Variants in LIPA observed in about 807,000 individuals in gnomAD.
The protein encoded by LIPA is lipase A, lysosomal acid type.
Under a neutral mutation model 40.6 loss-of-function variants are expected in LIPA, and 26 were observed. The ratio of observed to expected loss-of-function variants is 0.64; its 90% CI spans 0.47 to 0.89. The LOEUF (loss-of-function observed/expected upper bound fraction) is 0.89, where lower values mean the gene tolerates loss of function less well. Ranked by LOEUF, LIPA falls within the 40% of genes least tolerant of loss-of-function variation. The probability of loss-of-function intolerance (pLI) is 0.00; values close to 1 mark genes in which losing one functional copy is unlikely to be tolerated. For synonymous variants in LIPA, 188 were observed against 168.4 expected (o/e 1.12, Z -0.90); for missense variants, 455 against 479.6 (o/e 0.95, Z 0.48).
chr10:89,324,880 G>A (rs1170372087), intron 1 of LIPA, among the ~76,000 whole-genome samples: 1 of 152,132 alleles, frequency 6.6e-6, no homozygotes, highest in African/African-American at 2.4e-5. Context: ...TGGATGCATT[G>A]TATTCCATGG....
At position 89,237,887 on chromosome 10, in the gene LIPA, T is replaced by G. The variant is rs756815767; in HGVS notation, c.229+7789A>C. 5.7e-4 allele frequency among the ~76,000 whole-genome samples: 86 copies of G among 152,076 alleles called. 2 individuals are homozygous for G. The highest frequency in any genetic ancestry group is 2.0e-4 in the Admixed American group (3 of 15,276). On this transcript the variant is annotated intron_variant, in intron 3 of 9. Coordinates refer to ENST00000336233, the MANE Select transcript of LIPA (RefSeq NM_000235.4). ...ACACATCTTTAATTCAGTCTCTAAA[T>G]CAGGAGGTCATAAGGACCTTTAAGG...
intron 1 of LIPA, among the ~76,000 whole-genome samples, chr10:89,277,474 C>T (rs1052131497): frequency 3.3e-5 from 5 of 152,114 alleles, no homozygotes; most frequent in African/African-American, 7.2e-5. Flanking sequence ...TTGCATTATA[C>T]GCAGAACATT....
intron 2 of LIPA, among the ~76,000 whole-genome samples, chr10:89,361,962 G>A (rs1486639015): frequency 8.1e-6 from 1 of 123,678 alleles, no homozygotes; most frequent in East Asian, 2.8e-4. Flanking sequence ...GCAGTGGTAT[G>A]ATCACAGCTC....
At chr10:89,317,059 T>A (rs1843545198) in intron 1 of LIPA, among the ~76,000 whole-genome samples, 1 of 152,162 alleles carries the variant, frequency 6.6e-6, no homozygotes, top group African/African-American at 2.4e-5. Flanking sequence ...CCCATCTGTA[T>A]GTCACCATCA....
At chr10:89,243,093 T>C (rs1842982303) in intron 3 of LIPA, among the ~76,000 whole-genome samples, 1 of 152,196 alleles carries the variant, frequency 6.6e-6, no homozygotes, top group Non-Finnish European at 1.5e-5. Context: ...GGAAGCGGGA[T>C]GCATGAGAAG....
intron 1 of LIPA, among the ~76,000 whole-genome samples, chr10:89,280,451 C>T (rs767370081): frequency 2.0e-5 from 3 of 152,160 alleles, no homozygotes; most frequent in Non-Finnish European, 2.9e-5. Context: ...CCTCGCCTGG[C>T]GTTAAACACA....
chr10:89,386,905 C>T (rs1432815586), intron 2 of LIPA, among the ~76,000 whole-genome samples: 1 of 151,978 alleles, frequency 6.6e-6, no homozygotes, highest in Non-Finnish European at 1.5e-5. Flanking sequence ...CCTTTTGCAA[C>T]TGCATCTACT....
chr10:89,410,821 A>G (rs1841462776), intron 2 of LIPA, among the ~76,000 whole-genome samples: 1 of 152,234 alleles, frequency 6.6e-6, no homozygotes, highest in Non-Finnish European at 1.5e-5. Context: ...TGAAGCCATC[A>G]AAAGGTGAAG....
chr10:89,353,948 A>C (rs115552050), intron 2 of LIPA, among the ~76,000 whole-genome samples: 1,544 of 152,282 alleles, frequency 0.01, 28 homozygotes, highest in African/African-American at 0.035. Flanking sequence ...CTCAAAAAAA[A>C]AAAAGAATAT....
chr10:89,271,320 T>A (rs1023252664), intron 1 of LIPA, among the ~76,000 whole-genome samples: 11 of 152,216 alleles, frequency 7.2e-5, no homozygotes, highest in African/African-American at 2.4e-4. Context: ...TGGAAAGAGC[T>A]TTGAACGGTT....
At chr10:89,240,602 A>G (rs1023951990) in intron 3 of LIPA, among the ~76,000 whole-genome samples, 1 of 152,230 alleles carries the variant, frequency 6.6e-6, no homozygotes, top group Non-Finnish European at 1.5e-5. Flanking sequence ...TAATAATTGA[A>G]TAAGTCAAAA....
chr10:89,215,084 A>G, intron 9 of LIPA, 23 bp from the exon 10 acceptor site: 1 of 1,519,776 alleles, frequency 6.6e-7, no homozygotes, highest in Non-Finnish European at 9.1e-7. Context: ...GGAACCAGAG[A>G]AAGCCTCGTT....
chr10:89,396,596 C>A (rs10788642), intron 2 of LIPA, among the ~76,000 whole-genome samples: 1 of 151,972 alleles, frequency 6.6e-6, no homozygotes, highest in South Asian at 2.1e-4. Flanking sequence ...AGGTCATTCA[C>A]GAGAGACCTA....
rs79100808 is a variant in LIPA, at chr10:89,338,916, C to T, written c.-2+3695G>A. The T allele has an allele frequency of 3.0e-4, 482 of 1,614,108 alleles. No homozygotes were observed. The African/African-American group carries it at 5.7e-3, about 19-fold the overall frequency. On this transcript the variant is annotated intron_variant, in intron 1 of 5. Coordinates refer to the LIPA transcript ENST00000282673. ...AGTTAATCCAGCAAGAACATGCTGA[C>T]CAAGCAGAAATCAGAAGTCTAGTCA...
At chr10:89,287,993 C>T (rs1843350800) in intron 1 of LIPA, among the ~76,000 whole-genome samples, 1 of 152,172 alleles carries the variant, frequency 6.6e-6, no homozygotes, top group African/African-American at 2.4e-5. Flanking sequence ...ACCCTTCATC[C>T]CAGCCTCTTT....
intron 2 of LIPA, among the ~76,000 whole-genome samples, chr10:89,409,791 T>C (rs980229853): frequency 1.8e-4 from 27 of 152,246 alleles, no homozygotes; most frequent in African/African-American, 5.1e-4. Context: ...GAGACTTTGC[T>C]CTTTTCACAT....
chr10:89,409,565 C>T (rs199988744), intron 2 of LIPA, among the ~76,000 whole-genome samples: 62 of 140,486 alleles, frequency 4.4e-4, no homozygotes, highest in Admixed American at 8.1e-4. Context: ...CTGAGGGTGC[C>T]TGGGGCAAGC....
At chr10:89,377,737 G>C (rs992644497) in intron 2 of LIPA, among the ~76,000 whole-genome samples, 1 of 152,198 alleles carries the variant, frequency 6.6e-6, no homozygotes, top group Non-Finnish European at 1.5e-5. Context: ...TTTGACAACA[G>C]AGTCTGACAT....
intron 2 of LIPA, among the ~76,000 whole-genome samples, chr10:89,396,997 C>G (rs1356169428): frequency 6.6e-6 from 1 of 152,158 alleles, no homozygotes; most frequent in Non-Finnish European, 1.5e-5. Flanking sequence ...CACATACATA[C>G]AAATATATAA....
Sources: allele counts gnomAD v4.1 joint callset (sites outside exome capture counted in the v4.1 genomes callset), GRCh38; gene constraint gnomAD v4.1.1; transcripts MANE v1.5; gene names NCBI Gene and HGNC (gene_info 2026-07-23, HGNC 2026-07-21).